The following EFNA4 variants were observed in gnomAD, a reference collection of about 807,000 sequenced individuals.
EFNA4 encodes ephrin A4, also known as ephrin-A4.
EFNA4 carries 22 observed loss-of-function variants against 23.7 expected under a neutral mutation model. That is an observed-to-expected ratio of 0.93 (90% CI 0.66 to 1.32). The LOEUF is 1.32. Ranked by LOEUF, EFNA4 falls within the 40% of genes most tolerant of loss-of-function variation. The probability of loss-of-function intolerance (pLI) is 0.00; values close to 1 mark genes in which losing one functional copy is unlikely to be tolerated. For synonymous variants in EFNA4, 113 were observed against 108.3 expected, an observed-to-expected ratio of 1.04 and a Z score of -0.27; for missense variants, 252 against 252.3, an observed-to-expected ratio of 1.00 and a Z score of 0.01.
intron 1 of EFNA4, among the ~76,000 whole-genome samples, chr1:155,065,287 C>T (rs182136081): frequency 6.6e-6 from 1 of 152,268 alleles, no homozygotes; most frequent in Admixed American, 6.5e-5. Context: ...GGAGGCTTTT[C>T]CTAAGTCATG....
chr1:155,064,266 G>A (rs1662928660), intron 1 of EFNA4, among the ~76,000 whole-genome samples: 1 of 152,242 alleles, frequency 6.6e-6, no homozygotes, highest in Admixed American at 6.5e-5. Flanking sequence ...CCTCCCGCAG[G>A]CTGGAGCTGT....
chr1:155,067,162 G>T, intron 2 of EFNA4, 146 bp downstream of exon 2: 1 of 1,173,308 alleles, frequency 8.5e-7, no homozygotes, highest in Non-Finnish European at 1.2e-6. Context: ...GGAGGGAAAT[G>T]TCTAGAAAGG....
At chr1:155,068,247 GGCCTCACT>G (rs2102444622) in intron 3 of EFNA4, among the ~76,000 whole-genome samples, 1 of 146,106 alleles carries the variant, frequency 6.8e-6, no homozygotes, top group East Asian at 2.1e-4. Flanking sequence ...TGTCTTGTGT[GGCCTCACT>G]GCACACTTTT....
At position 155,066,931 on chromosome 1, in the gene EFNA4, T is replaced by C. The variant is rs774783548; in HGVS notation, c.315T>C (p.His105=). The change falls in exon 2 of 4, where the codon CAT becomes CAC. Residue 105 remains histidine (H), a synonymous_variant. Coordinates refer to ENST00000368409, the MANE Select transcript of EFNA4 (RefSeq NM_005227.3). ...GGGTGTGCTCCCTGCCCTTTGGCCA[T>C]GTTCAATTCTCAGAGAAGATTCAGC... ...KRWVCSLPFG[H]VQFSEKIQRF... 8 of 1,614,032 alleles carry C rather than the reference T, an allele frequency of 5.0e-6. No individual in the cohort carries two copies. In the South Asian group the frequency reaches 5.5e-5, roughly 11 times the overall value.
At position 155,066,812 on chromosome 1, in the gene EFNA4, C is replaced by T. The variant is rs199831867; in HGVS notation, c.196C>T (p.Pro66Ser). The T allele has an allele frequency of 2.3e-4, 367 of 1,613,778 alleles. No homozygotes were observed. The highest frequency in any genetic ancestry group is 1.4e-3 in the South Asian group (129 of 91,044). The change falls in exon 2 of 4, where the codon CCC (proline) becomes TCC (serine). Residue 66 changes from proline to serine, a missense_variant. Pro to Ser is a moderately conservative substitution (Grantham distance 74, BLOSUM62 -1). Coordinates refer to ENST00000368409, the MANE Select transcript of EFNA4 (RefSeq NM_005227.3). ...IVCPHYEGPG[P>S]PEGPETFALY... ...CTGCCCCCACTACGAAGGCCCAGGG[C>T]CCCCTGAGGGCCCCGAGACGTTTGC...
At chr1:155,067,061 G>T (rs746579109) in intron 2 of EFNA4, 45 bp downstream of exon 2, 3 of 1,552,556 alleles carry the variant, frequency 1.9e-6, no homozygotes, top group Admixed American at 1.9e-5. Flanking sequence ...GTACCAGAAG[G>T]GTAGGGAGGG....
chr1:155,063,814 C>G lies in EFNA4; in HGVS notation c.-10C>G, dbSNP rs1455908012. 2 of 1,518,426 alleles carry G rather than the reference C, an allele frequency of 1.3e-6. No individual in the cohort carries two copies. The highest frequency in any genetic ancestry group is 2.1e-5 in the Admixed American group (1 of 46,856). The allele number at this position is 1,518,426 out of a possible 1,614,324, so 94.1% of individuals were successfully genotyped here. On this transcript the variant is annotated 5_prime_UTR_variant, in exon 1 of 4. Coordinates refer to ENST00000368409, the MANE Select transcript of EFNA4 (RefSeq NM_005227.3). This position sits in a 1 kb window ranked among gnomAD's most constrained non-coding sequence, Gnocchi z 4.1. ...CCTGCCAGGCCAGACCAAACCGGAC[C>G]TCGGGGGCGATGCGGCTGCTGCCCC...
Position 155,063,813 on chromosome 1 carries a change from C to A in EFNA4, c.-11C>A. 6.6e-7 allele frequency: 1 copy of A among 1,517,798 alleles called. No homozygotes were observed. Among genetic ancestry groups the A allele is most frequent in the Non-Finnish European group, 8.8e-7 (1 of 1,134,144 alleles). The allele number at this position is 1,517,798 out of a possible 1,614,324, so 94.0% of individuals were successfully genotyped here. On this transcript the variant is annotated 5_prime_UTR_variant, in exon 1 of 4. Coordinates refer to ENST00000368409, the MANE Select transcript of EFNA4 (RefSeq NM_005227.3). This position sits in a 1 kb window ranked among gnomAD's most constrained non-coding sequence, Gnocchi z 4.1. ...ACCTGCCAGGCCAGACCAAACCGGA[C>A]CTCGGGGGCGATGCGGCTGCTGCCC... is the stretch of plus-strand genomic sequence containing the variant.
rs992422336 is a variant in EFNA4, at chr1:155,064,054, CTTTG to C, written c.113+123_113+126del. 104 of 697,754 alleles carry C rather than the reference CTTTG, an allele frequency of 1.5e-4. 2 individuals are homozygous for C. The highest frequency in any genetic ancestry group is 7.4e-4 in the East Asian group (19 of 25,782). 43.2% of individuals were successfully genotyped at this position (697,754 alleles called of 1,614,324 possible). On this transcript the variant is annotated intron_variant, in intron 1 of 3. Transcript: ENST00000368409. ...TGAGCCTGGCCGCGCGCCGGGGCTC[CTTTG>C]TTTGAGCCGGCGGGGGAGGGGGGAG... is the stretch of plus-strand genomic sequence containing the variant.
At chr1:155,065,325 G>A (rs1662986911) in intron 1 of EFNA4, among the ~76,000 whole-genome samples, 1 of 152,096 alleles carries the variant, frequency 6.6e-6, no homozygotes, top group Non-Finnish European at 1.5e-5. Context: ...TATGGGGGGT[G>A]GTTCATGCAG....
In EFNA4 at chr1:155,066,871, C is replaced by T; in HGVS notation, c.255C>T (p.Ser85=). ...TGGTGGACTGGCCAGGCTATGAGTC[C>T]TGCCAGGCAGAGGGCCCCCGGGCCT... ...LYMVDWPGYE[S]CQAEGPRAYK... Residue 85 remains serine (S), a synonymous_variant, in exon 2 of 4, where the codon TCC becomes TCT. Transcript: ENST00000368409. 3 of 1,614,102 alleles carry T rather than the reference C, an allele frequency of 1.9e-6. No individual in the cohort carries two copies. The highest frequency in any genetic ancestry group is 1.7e-6 in the Non-Finnish European group (2 of 1,180,030).
chr1:155,067,796 T>C (rs1349298122), intron 3 of EFNA4, among the ~76,000 whole-genome samples: 1 of 151,932 alleles, frequency 6.6e-6, no homozygotes, highest in Non-Finnish European at 1.5e-5. Context: ...TAATTTTTTG[T>C]ATTTTTAGTA....
chr1:155,065,818 C>T (rs1032900284), intron 1 of EFNA4, among the ~76,000 whole-genome samples: 2 of 151,482 alleles, frequency 1.3e-5, no homozygotes, highest in African/African-American at 2.4e-5. Context: ...CTGCAAGCTC[C>T]GCCTCCCGGG....
At position 155,064,526 on chromosome 1, in the gene EFNA4, CTAA is replaced by C. The variant is rs560787464; in HGVS notation, c.113+596_113+598del. Among the ~76,000 whole-genome samples, 169 of 152,306 alleles carry C rather than the reference CTAA, an allele frequency of 1.1e-3. 1 individual carries two copies. The highest frequency in any genetic ancestry group is 3.8e-3 in the African/African-American group (158 of 41,564). ...TCATTTATCTCACCTGTATAATGGG[CTAA>C]TAATACCTAGTACCCTGGGAAGTCT... On this transcript the variant is annotated intron_variant, in intron 1 of 3. Transcript: ENST00000368409.
In EFNA4 at chr1:155,069,172, AAAG is replaced by A. The variant is rs761223567; in HGVS notation, c.*188_*190del. The stretch of plus-strand genomic sequence containing the variant: ...GGAGCCTGTCCCCTCATCACAGGCT[AAAG>A]AAGAGCAGTAGACAGCCCTGGACAC... On this transcript the variant is annotated 3_prime_UTR_variant, in exon 4 of 4. Transcript: ENST00000368409. 2.9e-5 allele frequency: 47 copies of A among 1,604,000 alleles called. No homozygotes were observed. The highest frequency in any genetic ancestry group is 3.9e-5 in the Non-Finnish European group (46 of 1,177,340).
rs751273923 is a variant in EFNA4 at position 155,063,957 on chromosome 1, G to C, written c.113+21G>C. On this transcript the variant is annotated intron_variant, in intron 1 of 3. Coordinates refer to ENST00000368409, the MANE Select transcript of EFNA4 (RefSeq NM_005227.3). The surrounding 1 kb of genome is among the most constrained non-coding windows in gnomAD (Gnocchi z 4.1). ...CCCAGGTAGCCGGGCCGAACCGGGC[G>C]AGCGCACAGCCAAGTCTGCGCGCTC... 2 of 1,525,670 alleles carry C rather than the reference G, an allele frequency of 1.3e-6. No homozygotes were observed. Among genetic ancestry groups the C allele is most frequent in the Non-Finnish European group, 1.8e-6 (2 of 1,135,644 alleles). The allele number at this position is 1,525,670 out of a possible 1,614,324, so 94.5% of individuals were successfully genotyped here.
At position 155,069,217 on chromosome 1, in the gene EFNA4, G is replaced by A. The variant is rs746129864; in HGVS notation, c.*228G>A. On this transcript the variant is annotated 3_prime_UTR_variant, in exon 4 of 4. Coordinates refer to ENST00000368409, the MANE Select transcript of EFNA4 (RefSeq NM_005227.3). ...CCTGGACACTCTGAAGCAGAGGCAAGACAAACACAGGCGCTTTGCAGGCTG... is the reference window on the plus strand; with the variant it reads ...CCTGGACACTCTGAAGCAGAGGCAAAACAAACACAGGCGCTTTGCAGGCTG... 1.9e-6 allele frequency: 3 copies of A among 1,553,282 alleles called. No individual in the cohort carries two copies. Among genetic ancestry groups the A allele is most frequent in the Admixed American group, 4.7e-5 (2 of 42,676 alleles).
At chr1:155,067,776 C>G (rs1238740784) in intron 3 of EFNA4, among the ~76,000 whole-genome samples, 1 of 152,112 alleles carries the variant, frequency 6.6e-6, no homozygotes, top group Non-Finnish European at 1.5e-5. Flanking sequence ...CACCCGCCAC[C>G]ACACCCGGCT....
intron 1 of EFNA4, among the ~76,000 whole-genome samples, chr1:155,064,704 A>G (rs975641316): frequency 1.1e-4 from 17 of 151,914 alleles, no homozygotes; most frequent in African/African-American, 3.6e-4. Flanking sequence ...TGCCTCTCCT[A>G]TTTCCTATCT....
Sources: gnomAD v4.1 joint callset for allele counts (sites outside exome capture counted in the v4.1 genomes callset) on GRCh38, gnomAD v4.1.1 for gene constraint, Gnocchi (gnomAD v3.1) non-coding constraint, MANE v1.5 for transcripts, NCBI Gene and HGNC (gene_info 2026-07-23, HGNC 2026-07-21) for gene names.